XNDC1N: variants seen among roughly 807,000 people sequenced by gnomAD.
XNDC1N encodes protein XNDC1N.
chr11:71,911,508 C>A, the XNDC1N span, among the ~76,000 whole-genome samples: 2 of 151,906 alleles, frequency 1.3e-5, no homozygotes, highest in African/African-American at 2.4e-5. Flanking sequence ...CAGTGATAAC[C>A]CTGGACACTG....
chr11:71,866,221 A>G, the XNDC1N span, among the ~76,000 whole-genome samples: 3 of 151,148 alleles, frequency 2.0e-5, no homozygotes, highest in Non-Finnish European at 2.9e-5. Flanking sequence ...TTTTAGGGCA[A>G]TGTTGCTCTG....
chr11:71,924,247 C>A, the XNDC1N span, among the ~76,000 whole-genome samples: 1 of 152,028 alleles, frequency 6.6e-6, no homozygotes, highest in Non-Finnish European at 1.5e-5. Flanking sequence ...GGTGTGGTGG[C>A]GTGTGCCTGT....
chr11:71,922,578 C>A, the XNDC1N span, among the ~76,000 whole-genome samples: 2 of 152,220 alleles, frequency 1.3e-5, no homozygotes, highest in East Asian at 3.9e-4. Context: ...GCTGGAATTA[C>A]AGGCATGAGT....
At chr11:71,870,017 T>C in the XNDC1N span, among the ~76,000 whole-genome samples, 32 of 152,312 alleles carry the variant, frequency 2.1e-4, no homozygotes, top group East Asian at 5.8e-3. Flanking sequence ...CTAACAATCA[T>C]GGCAAATGAG....
chr11:71,881,497 G>A, the XNDC1N span, among the ~76,000 whole-genome samples: 1 of 152,032 alleles, frequency 6.6e-6, no homozygotes, highest in African/African-American at 2.4e-5. Context: ...CTTGCAGCTG[G>A]TTGCCTTCTT....
chr11:71,897,921 G>A, the XNDC1N span, among the ~76,000 whole-genome samples: 195 of 152,206 alleles, frequency 1.3e-3, 2 homozygotes, highest in African/African-American at 4.6e-3. Flanking sequence ...GGTGGCTCAC[G>A]CCTGTAATCG....
the XNDC1N span, among the ~76,000 whole-genome samples, chr11:71,896,172 G>C: frequency 2.0e-5 from 3 of 151,824 alleles, no homozygotes; most frequent in South Asian, 2.1e-4. Context: ...TCAGCTACTC[G>C]GAGGGCTGAG....
At chr11:71,885,143 TATC>T in the XNDC1N span, among the ~76,000 whole-genome samples, 1 of 150,880 alleles carries the variant, frequency 6.6e-6, no homozygotes, top group East Asian at 1.9e-4. Flanking sequence ...TTGGGTGTCA[TATC>T]ATCTTCTTCC....
the XNDC1N span, among the ~76,000 whole-genome samples, chr11:71,870,283 T>C: frequency 6.6e-6 from 1 of 152,174 alleles, no homozygotes; most frequent in Non-Finnish European, 1.5e-5. Context: ...TTTGATGGTT[T>C]GATTGTGGAA....
At chr11:71,868,164 A>G in the XNDC1N span, among the ~76,000 whole-genome samples, 3 of 152,052 alleles carry the variant, frequency 2.0e-5, no homozygotes, top group Non-Finnish European at 4.4e-5. Context: ...CTTTACTTTG[A>G]GCCTATGAGT....
chr11:71,912,061 T>C, the XNDC1N span, among the ~76,000 whole-genome samples: 1 of 152,158 alleles, frequency 6.6e-6, no homozygotes, highest in African/African-American at 2.4e-5. Context: ...AAACCACCCA[T>C]CGAGGTCAGG....
chr11:71,908,814 G>C, the XNDC1N span, among the ~76,000 whole-genome samples: 1 of 152,132 alleles, frequency 6.6e-6, no homozygotes, highest in Non-Finnish European at 1.5e-5. Context: ...GTGGCTAGAG[G>C]AACATGCACC....
the XNDC1N span, among the ~76,000 whole-genome samples, chr11:71,913,230 A>G: frequency 6.6e-6 from 1 of 151,998 alleles, no homozygotes; most frequent in Admixed American, 6.5e-5. Context: ...GGATATTAGG[A>G]AGAGTATCAC....
chr11:71,871,561 T>C, the XNDC1N span, among the ~76,000 whole-genome samples: 1 of 152,218 alleles, frequency 6.6e-6, no homozygotes, highest in African/African-American at 2.4e-5. Context: ...TTTTAGGTGA[T>C]TGGTGTGTGA....
the XNDC1N span, among the ~76,000 whole-genome samples, chr11:71,924,645 C>T: frequency 1.3e-5 from 2 of 151,938 alleles, no homozygotes; most frequent in African/African-American, 4.8e-5. Context: ...GCCACTGCCA[C>T]TGCACTCTAG....
the XNDC1N span, among the ~76,000 whole-genome samples, chr11:71,910,401 T>C: frequency 6.6e-6 from 1 of 151,914 alleles, no homozygotes; most frequent in East Asian, 1.9e-4. Context: ...AGATCCGGAG[T>C]CAGGTGTCAC....
the XNDC1N span, among the ~76,000 whole-genome samples, chr11:71,883,273 C>T: frequency 6.6e-6 from 1 of 151,794 alleles, no homozygotes; most frequent in Non-Finnish European, 1.5e-5. Flanking sequence ...CACAAAGGAC[C>T]CAGAATAGTC....
the XNDC1N span, among the ~76,000 whole-genome samples, chr11:71,877,865 T>C: frequency 6.6e-6 from 1 of 152,218 alleles, no homozygotes; most frequent in Non-Finnish European, 1.5e-5. Flanking sequence ...TTTCTTTAAT[T>C]CCTCTCATAT....
the XNDC1N span, chr11:71,865,795 G>A: frequency 2.4e-6 from 1 of 418,096 alleles, no homozygotes; most frequent in South Asian, 1.8e-5. Flanking sequence ...CTGTGGGGAT[G>A]TTTCCTTTAT....
Sources: gnomAD v4.1 joint callset for allele counts (sites outside exome capture counted in the v4.1 genomes callset) on GRCh38, gnomAD v4.1.1 for gene constraint, MANE v1.5 for transcripts, NCBI Gene and HGNC (gene_info 2026-07-23, HGNC 2026-07-21) for gene names.